CHIC2: variants seen among roughly 807,000 people sequenced by gnomAD.
CHIC2 encodes the protein cysteine-rich hydrophobic domain-containing protein 2.
CHIC2 carries 14 observed loss-of-function variants against 25.9 expected under a neutral mutation model. The observed-to-expected ratio is 0.54, with a 90% CI of 0.36 to 0.85. The LOEUF is 0.85. CHIC2 is among the 40% of genes least tolerant of loss of function. The probability of loss-of-function intolerance (pLI) is 0.01; values close to 1 mark genes in which losing one functional copy is unlikely to be tolerated. For missense variants in CHIC2, 146 were observed against 202.0 expected, an observed-to-expected ratio of 0.72 and a Z score of 1.68; for synonymous variants, 70 against 72.0, an observed-to-expected ratio of 0.97 and a Z score of 0.14.
rs189719799 is a variant in CHIC2 at position 54,013,888 on chromosome 4, C to A, written c.396G>T (p.Leu132Phe). The change falls in exon 5 of 6, where the codon TTG becomes TTT. Residue 132 changes from leucine (L) to phenylalanine (F), a missense_variant. Physicochemically the swap from Leu to Phe is conservative, Grantham distance 22 (BLOSUM62 0). Coordinates refer to ENST00000263921, the MANE Select transcript of CHIC2 (RefSeq NM_012110.4). ...ENNRLYHKLC[L>F]HWRLSKRKCE... ...ATTTCCTTTTGCTCAGTCTCCAATGCAAGCACAGCTAGACAAGTAGGAAAG... is the reference window on the plus strand; with the variant it reads ...ATTTCCTTTTGCTCAGTCTCCAATGAAAGCACAGCTAGACAAGTAGGAAAG... The A allele has an allele frequency of 1.2e-6, 2 of 1,613,356 alleles. No homozygotes were observed. Among genetic ancestry groups the A allele is most frequent in the African/African-American group, 2.7e-5 (2 of 75,004 alleles).
the CHIC2 span, chr4:54,076,640 AAGAAATTTCAGATGCAT>A: frequency 1.3e-5 from 2 of 152,234 alleles, no homozygotes; most frequent in African/African-American, 4.8e-5. Context: ...CAGTGTTTTG[AAGAAATTTCAGATGCAT>A]AGCCTTTTGG....
At chr4:54,032,520 G>A (rs564320659) in intron 3 of CHIC2, among the ~76,000 whole-genome samples, 2 of 152,202 alleles carry the variant, frequency 1.3e-5, no homozygotes, top group East Asian at 1.9e-4. Context: ...CGCCAGCCTC[G>A]GCCTCCCGAG....
the CHIC2 span, among the ~76,000 whole-genome samples, chr4:54,073,957 C>T: frequency 8.5e-5 from 13 of 152,064 alleles, no homozygotes; most frequent in Admixed American, 3.9e-4. Flanking sequence ...GAGATGGAGA[C>T]CATCCTGGCC....
rs147253173 is a variant in CHIC2, at chr4:54,064,261, C to T, written c.40G>A (p.Glu14Lys). 6.2e-7 allele frequency: 1 copy of T among 1,612,164 alleles called. No homozygotes were observed. Among genetic ancestry groups the T allele is most frequent in the Non-Finnish European group, 8.5e-7 (1 of 1,179,184 alleles). ...AGCTGCTCCTCCAGGGCCCGCTCCT[C>T]GTCCTCCTCTTCCTCATAGATTTCG... ...FDEIYEEEEDEERALEEQLLK... is the reference protein window; with the variant it reads ...FDEIYEEEEDKERALEEQLLK... The change falls in exon 1 of 6, where the codon GAG (glutamate) becomes AAG (lysine). Residue 14 changes from glutamate (E) to lysine (K), a missense_variant. Coordinates refer to ENST00000263921, the MANE Select transcript of CHIC2 (RefSeq NM_012110.4). This position sits in a 1 kb window ranked among gnomAD's most constrained non-coding sequence, Gnocchi z 4.2.
chr4:54,010,690 G>T (rs1715561083), intron 5 of CHIC2, among the ~76,000 whole-genome samples: 1 of 152,008 alleles, frequency 6.6e-6, no homozygotes, highest in African/African-American at 2.4e-5. Flanking sequence ...TAACTCCAAA[G>T]CCTTGCCCTT....
intron 3 of CHIC2, among the ~76,000 whole-genome samples, chr4:54,016,357 ATTTAC>A (rs1054015857): frequency 4.6e-5 from 7 of 152,120 alleles, no homozygotes; most frequent in Non-Finnish European, 7.4e-5. Flanking sequence ...ACTTAAAAAT[ATTTAC>A]TTTAACTTAA....
intron 3 of CHIC2, among the ~76,000 whole-genome samples, chr4:54,037,513 T>C (rs1411569504): frequency 6.6e-6 from 1 of 152,200 alleles, no homozygotes; most frequent in Non-Finnish European, 1.5e-5. Context: ...GTATGTTCAC[T>C]ATCTTGATGC....
At chr4:54,073,691 T>C in the CHIC2 span, among the ~76,000 whole-genome samples, 2 of 152,136 alleles carry the variant, frequency 1.3e-5, no homozygotes, top group Admixed American at 1.3e-4. Flanking sequence ...ATGACAAATG[T>C]TTATTGTTGT....
upstream of CHIC2, among the ~76,000 whole-genome samples, chr4:54,068,799 G>A (rs1223896079): frequency 6.6e-6 from 1 of 152,154 alleles, no homozygotes; most frequent in East Asian, 1.9e-4. Context: ...CCCACAGGTT[G>A]AGGGCTCAGT....
rs772196235 is a variant in CHIC2, at chr4:54,020,395, C to T, written c.331-6276G>A. On this transcript the variant is annotated intron_variant, in intron 3 of 5. Coordinates refer to ENST00000263921, the MANE Select transcript of CHIC2 (RefSeq NM_012110.4). ...CCTGTAAGAACTAATGATAATCCCA[C>T]CACCTTTTGCTGACTCTCTTTTTGG... 6.6e-5 allele frequency among the ~76,000 whole-genome samples: 10 copies of T among 152,348 alleles called. No individual in the cohort carries two copies. The South Asian group carries it at 8.3e-4, about 13-fold the overall frequency.
At chr4:54,034,194 C>CG (rs1716314069) in intron 3 of CHIC2, among the ~76,000 whole-genome samples, 1 of 151,848 alleles carries the variant, frequency 6.6e-6, no homozygotes, top group South Asian at 2.1e-4. Flanking sequence ...CACCTCAGGT[C>CG]GGGGGTTCGA....
intron 1 of CHIC2, among the ~76,000 whole-genome samples, chr4:54,054,320 C>A (rs1365086783): frequency 6.6e-6 from 1 of 152,196 alleles, no homozygotes; most frequent in East Asian, 1.9e-4. Context: ...CTCATATTAA[C>A]AATGTCTCTT....
intron 3 of CHIC2, among the ~76,000 whole-genome samples, chr4:54,028,754 C>T (rs373142472): frequency 6.6e-6 from 1 of 152,180 alleles, no homozygotes; most frequent in Non-Finnish European, 1.5e-5. Context: ...AGTTAAACAT[C>T]AGGAATTTAG....
At chr4:54,051,936 G>C (rs1435785236) in intron 1 of CHIC2, among the ~76,000 whole-genome samples, 9 of 152,040 alleles carry the variant, frequency 5.9e-5, no homozygotes, top group Non-Finnish European at 1.2e-4. Flanking sequence ...CCACAATCCA[G>C]GCTTTCCTAC....
chr4:54,051,900 T>C (rs77835225), intron 1 of CHIC2, among the ~76,000 whole-genome samples: 1,581 of 152,272 alleles, frequency 0.01, 22 homozygotes, highest in African/African-American at 0.035. Context: ...TATCTTTACG[T>C]TACCTCCCAT....
At chr4:54,027,199 G>A (rs1228079090) in intron 3 of CHIC2, among the ~76,000 whole-genome samples, 1 of 152,160 alleles carries the variant, frequency 6.6e-6, no homozygotes, top group African/African-American at 2.4e-5. Context: ...GGTCACAGAA[G>A]ATAGGTGCAA....
chr4:54,091,540 C>T, the CHIC2 span, among the ~76,000 whole-genome samples: 1 of 152,330 alleles, frequency 6.6e-6, no homozygotes, highest in Middle Eastern at 3.4e-3. Context: ...ACACGCTTCA[C>T]TCACACAGCT....
chr4:54,041,844 A>C (rs1218525544), intron 3 of CHIC2, among the ~76,000 whole-genome samples: 1 of 151,990 alleles, frequency 6.6e-6, no homozygotes, highest in Non-Finnish European at 1.5e-5. Flanking sequence ...GGAACATCAC[A>C]CACTGGGACC....
At chr4:54,072,265 G>A in the CHIC2 span, among the ~76,000 whole-genome samples, 24 of 151,166 alleles carry the variant, frequency 1.6e-4, no homozygotes, top group Admixed American at 1.3e-3. Flanking sequence ...TTGCGCCACT[G>A]CACTCCAGCC....
Sources: gnomAD v4.1 joint callset for allele counts (sites outside exome capture counted in the v4.1 genomes callset) on GRCh38, gnomAD v4.1.1 for gene constraint, Gnocchi (gnomAD v3.1) non-coding constraint, MANE v1.5 for transcripts, NCBI Gene and HGNC (gene_info 2026-07-23, HGNC 2026-07-21) for gene names.